The following KIF13A variants were observed in gnomAD, a reference collection of about 807,000 sequenced individuals.
KIF13A encodes kinesin family member 13A.
In KIF13A, 79 loss-of-function variants were observed where a neutral mutation model predicts 212.2. That is an observed-to-expected ratio of 0.37 (90% confidence interval 0.31 to 0.45). The LOEUF (loss-of-function observed/expected upper bound fraction) is 0.45. KIF13A is among the 20% of genes least tolerant of loss of function. The pLI, the probability that KIF13A is intolerant of heterozygous loss-of-function variation, is 1.00. For synonymous variants in KIF13A, 789 were observed against 808.6 expected, an observed-to-expected ratio of 0.98 and a Z score of 0.41; for missense variants, 1,901 against 2,209.0, an observed-to-expected ratio of 0.86 and a Z score of 2.79.
rs964386854 is a variant in KIF13A, at chr6:17,942,572, C to G, written c.147-44392G>C. On this transcript the variant is annotated intron_variant, in intron 2 of 38. Transcript: ENST00000259711. Reference sequence around the variant, plus strand: ...ACATTTCATAACAGACACTGGCTGACAGCTCTTCCAGCATATCTGGGTGCC... The same window carrying G: ...ACATTTCATAACAGACACTGGCTGAGAGCTCTTCCAGCATATCTGGGTGCC... Among the ~76,000 whole-genome samples, 4 of 152,148 alleles carry G rather than the reference C, an allele frequency of 2.6e-5. No homozygotes were observed. In the South Asian group the frequency reaches 6.2e-4, roughly 24 times the overall value.
chr6:17,770,840 T>C (rs1312179801), intron 38 of KIF13A: 1 of 715,418 alleles, frequency 1.4e-6, no homozygotes, highest in Admixed American at 4.4e-5. Context: ...AAAAGATCTC[T>C]TTGTTACACT....
rs1336109030 is a variant in KIF13A at position 17,831,207 on chromosome 6, C to T, written c.1295G>A (p.Gly432Glu). 3.1e-6 allele frequency: 5 copies of T among 1,613,412 alleles called. No individual in the cohort carries two copies. Among genetic ancestry groups the T allele is most frequent in the South Asian group, 1.1e-5 (1 of 90,896 alleles). Residue 432 changes from glycine (G) to glutamate (E), a missense_variant, in exon 13 of 39, where the codon GGG (glycine) becomes GAG (glutamate). Physicochemically the swap from Gly to Glu is moderately conservative, Grantham distance 98. This residue lies in a region of KIF13A where 506 missense variants were observed against 637.4 expected (regional missense o/e 0.79). Coordinates refer to ENST00000259711, the MANE Select transcript of KIF13A (RefSeq NM_022113.6). ...QERQRQLESM[G>E]ISLEMSGIKV... Reference sequence around the variant, plus strand: ...GATACCGGACATCTCCAGGGAAATCCCCATGCTTTCAAGTTGTCGTTGTCT... The same window carrying T: ...GATACCGGACATCTCCAGGGAAATCTCCATGCTTTCAAGTTGTCGTTGTCT...
In KIF13A at chr6:17,764,344, G is replaced by T; in HGVS notation, c.5184C>A (p.Asn1728Lys). 6.2e-7 allele frequency: 1 copy of T among 1,613,992 alleles called. No individual in the cohort carries two copies. Among genetic ancestry groups the T allele is most frequent in the South Asian group, 1.1e-5 (1 of 91,086 alleles). ...PREVTVEHTTNILEDHSFTEF... is the reference protein window; with the variant it reads ...PREVTVEHTTKILEDHSFTEF... ...CTGTGAAAGAATGGTCTTCAAGGATGTTGGTGGTGTGTTCTACCGTCACCT... is the reference window on the plus strand; with the variant it reads ...CTGTGAAAGAATGGTCTTCAAGGATTTTGGTGGTGTGTTCTACCGTCACCT... The change falls in exon 39 of 39, where the codon AAC becomes AAA. Residue 1728 changes from asparagine (N) to lysine (K), a missense_variant. Around this residue, in one of 5 missense-constraint regions of KIF13A, gnomAD observed 687 missense variants for 759.1 expected, o/e 0.90. Transcript: ENST00000259711. This position sits in a 1 kb window ranked among gnomAD's most constrained non-coding sequence, Gnocchi z 5.1.
At chr6:17,910,751 G>GT (rs1332862296) in intron 2 of KIF13A, among the ~76,000 whole-genome samples, 1 of 151,944 alleles carries the variant, frequency 6.6e-6, no homozygotes, top group African/African-American at 2.4e-5. Context: ...TAAATTCAAG[G>GT]TTTTTTTTGG....
At chr6:17,807,337 A>T (rs1763051194) in intron 18 of KIF13A, among the ~76,000 whole-genome samples, 1 of 151,998 alleles carries the variant, frequency 6.6e-6, no homozygotes, top group African/African-American at 2.4e-5. Flanking sequence ...TAATATTAAT[A>T]CCCTGGGAAA....
At chr6:17,890,651 C>A (rs1213448923) in intron 3 of KIF13A, among the ~76,000 whole-genome samples, 1 of 149,772 alleles carries the variant, frequency 6.7e-6, no homozygotes, top group African/African-American at 2.5e-5. Flanking sequence ...TTCAAAGAGA[C>A]AAGGTCTTGC....
rs78326061 is a variant in KIF13A, at chr6:17,968,438, T to A, written c.146+18616A>T. Among the ~76,000 whole-genome samples, 2,935 of 152,320 alleles carry A rather than the reference T, an allele frequency of 0.019. 41 individuals are homozygous for A. The highest frequency in any genetic ancestry group is 0.031 in the Non-Finnish European group (2,088 of 68,024). ...CACAAGAATGCCCAACTACATCAGG[T>A]TGGTGTAGGGTCCATTCATCCAGTC... On this transcript the variant is annotated intron_variant, in intron 2 of 38. Coordinates refer to ENST00000259711, the MANE Select transcript of KIF13A (RefSeq NM_022113.6). This position sits in a 1 kb window ranked among gnomAD's most constrained non-coding sequence, Gnocchi z 4.7.
At chr6:17,920,736 T>C (rs1176667351) in intron 2 of KIF13A, among the ~76,000 whole-genome samples, 2 of 151,852 alleles carry the variant, frequency 1.3e-5, no homozygotes, top group Admixed American at 6.6e-5. Context: ...TAGCTGGGCC[T>C]GGGGGCGTGC....
intron 2 of KIF13A, among the ~76,000 whole-genome samples, chr6:17,922,609 A>T (rs1459130661): frequency 5.6e-3 from 40 of 7,176 alleles, no homozygotes; most frequent in Non-Finnish European, 0.011. Context: ...TGAAAAACTT[A>T]AAAAAAAAAA....
chr6:17,865,954 T>C (rs1769323767), intron 4 of KIF13A, among the ~76,000 whole-genome samples: 1 of 152,282 alleles, frequency 6.6e-6, no homozygotes, highest in Non-Finnish European at 1.5e-5. Context: ...TCTTTTTTTG[T>C]TGCTGGACAC....
chr6:17,787,187 G>A lies in KIF13A; in HGVS notation c.3361+589C>T, dbSNP rs949193120. Among the ~76,000 whole-genome samples, 2 of 152,150 alleles carry A rather than the reference G, an allele frequency of 1.3e-5. No individual in the cohort carries two copies. Among genetic ancestry groups the A allele is most frequent in the African/African-American group, 4.8e-5 (2 of 41,428 alleles). On this transcript the variant is annotated intron_variant, in intron 27 of 38. Coordinates refer to ENST00000259711, the MANE Select transcript of KIF13A (RefSeq NM_022113.6). The surrounding 1 kb of genome is among the most constrained non-coding windows in gnomAD (Gnocchi z 4.6). ...TAAAGTACCTTGTATTGACATACTG[G>A]TATTGATCACATTTGTGTTCATCAA...
At chr6:17,765,068 T>G (rs185226818) in intron 38 of KIF13A, 122 bp from the exon 39 acceptor site, 1 of 775,348 alleles carries the variant, frequency 1.3e-6, no homozygotes, top group Non-Finnish European at 2.0e-6. Flanking sequence ...GTTTTCTTTT[T>G]GTCTTTCCAA....
chr6:17,845,900 A>C (rs1766983368), intron 9 of KIF13A, among the ~76,000 whole-genome samples: 1 of 152,222 alleles, frequency 6.6e-6, no homozygotes, highest in African/African-American at 2.4e-5. Context: ...CAGCCCATTA[A>C]GCAGACACTG....
At chr6:17,940,048 T>TAAAAAAAAAAAAA (rs56365666) in intron 2 of KIF13A, among the ~76,000 whole-genome samples, 1 of 121,862 alleles carries the variant, frequency 8.2e-6, no homozygotes, top group Non-Finnish European at 1.6e-5. Context: ...TCTCATAAAT[T>TAAAAAAAAAAAAA]AAAAAAAAAA....
In KIF13A at chr6:17,849,059, C is replaced by T. The variant is rs573845387; in HGVS notation, c.830+318G>A. 2.0e-5 allele frequency among the ~76,000 whole-genome samples: 3 copies of T among 152,180 alleles called. No individual in the cohort carries two copies. Among genetic ancestry groups the T allele is most frequent in the South Asian group, 4.2e-4 (2 of 4,818 alleles). ...TAGTCTCCCAAGTAGCTGGGGTTAC[C>T]GGTGTGCGTGACCGTGCCTTTTTAG... is the stretch of plus-strand genomic sequence containing the variant. On this transcript the variant is annotated intron_variant, in intron 9 of 38. Coordinates refer to ENST00000259711, the MANE Select transcript of KIF13A (RefSeq NM_022113.6). The surrounding 1 kb of genome is among the most constrained non-coding windows in gnomAD (Gnocchi z 5.7).
chr6:17,858,079 T>TTGTGTG (rs1361975195), intron 4 of KIF13A, among the ~76,000 whole-genome samples: 2 of 112,378 alleles, frequency 1.8e-5, no homozygotes, highest in African/African-American at 7.3e-5. Flanking sequence ...TGTCAAATAG[T>TTGTGTG]TATGTGTGTG....
rs1362088576 is a variant in KIF13A at position 17,918,872 on chromosome 6, GT to G, written c.147-20693del. ...TTTCCTTCTCAGCACCTTTCGCCAT[GT>G]TAAACCATTTCATTATTTATTTGCT... On this transcript the variant is annotated intron_variant, in intron 2 of 38. Transcript: ENST00000259711. This position sits in a 1 kb window ranked among gnomAD's most constrained non-coding sequence, Gnocchi z 4.8. Among the ~76,000 whole-genome samples, 9 of 152,248 alleles carry G rather than the reference GT, an allele frequency of 5.9e-5. No homozygotes were observed. The highest frequency in any genetic ancestry group is 1.9e-4 in the African/African-American group (8 of 41,526).
intron 4 of KIF13A, among the ~76,000 whole-genome samples, chr6:17,860,124 T>C: frequency 6.6e-6 from 1 of 152,170 alleles, no homozygotes; most frequent in Non-Finnish European, 1.5e-5. Flanking sequence ...TGGCAATCAG[T>C]TGCTCTCACC....
rs932401352 is a variant in KIF13A at position 17,882,558 on chromosome 6, C to G, written c.160-9121G>C. Among the ~76,000 whole-genome samples the G allele has an allele frequency of 2.6e-5, 4 of 151,644 alleles. No individual in the cohort carries two copies. The South Asian group carries it at 8.3e-4, about 32-fold the overall frequency. On this transcript the variant is annotated intron_variant, in intron 3 of 38. Transcript: ENST00000259711. Reference sequence around the variant, plus strand: ...TTTAATGTCATCTCAAATGTCACTCCTTTATAAATTTTTTTTTTTTTTTGA... The same window carrying G: ...TTTAATGTCATCTCAAATGTCACTCGTTTATAAATTTTTTTTTTTTTTTGA...
Sources: gnomAD v4.1 joint callset for allele counts (sites outside exome capture counted in the v4.1 genomes callset) on GRCh38, gnomAD v4.1.1 for gene constraint, gnomAD v4.1.1 regional missense constraint, Gnocchi (gnomAD v3.1) non-coding constraint, MANE v1.5 for transcripts, NCBI Gene and HGNC (gene_info 2026-07-23, HGNC 2026-07-21) for gene names.